Variants in TAFA5 observed in about 807,000 individuals in gnomAD.
The protein encoded by TAFA5 is chemokine-like protein TAFA-5.
A neutral mutation model predicts 15.3 loss-of-function variants in TAFA5; 6 were observed. That is an observed-to-expected ratio of 0.39 (90% CI 0.21 to 0.77). The LOEUF is 0.77. Ranked by LOEUF, TAFA5 falls within the 30% of genes least tolerant of loss-of-function variation. TAFA5 has a pLI of 0.41. For missense variants in TAFA5, 161 were observed against 193.1 expected (o/e 0.83, Z 0.98); for synonymous variants, 103 against 80.7 (o/e 1.28, Z -1.48).
intron 2 of TAFA5, among the ~76,000 whole-genome samples, chr22:48,655,173 A>G (rs924420913): frequency 6.6e-6 from 1 of 152,186 alleles, no homozygotes; most frequent in Non-Finnish European, 1.5e-5. Flanking sequence ...CTCCACATCC[A>G]GCCCTGCCCA....
intron 3 of TAFA5, among the ~76,000 whole-genome samples, chr22:48,731,359 C>T (rs189363262): frequency 2.0e-5 from 3 of 152,308 alleles, no homozygotes; most frequent in African/African-American, 4.8e-5. Context: ...CCAGCCAGGA[C>T]CATTGATGAA....
At chr22:48,709,427 G>A (rs778196731) in intron 3 of TAFA5, among the ~76,000 whole-genome samples, 5 of 152,284 alleles carry the variant, frequency 3.3e-5, no homozygotes, top group Admixed American at 6.5e-5. Flanking sequence ...CCAGGCCTGC[G>A]TTACCGCCCT....
chr22:48,617,848 GGT>G, intron 1 of TAFA5, among the ~76,000 whole-genome samples: 1 of 34,272 alleles, frequency 2.9e-5, no homozygotes, highest in Non-Finnish European at 5.0e-5. Context: ...CCTGCCTGGA[GGT>G]GCACAAGCAC....
intron 1 of TAFA5, among the ~76,000 whole-genome samples, chr22:48,545,898 G>A (rs551824129): frequency 5.3e-4 from 81 of 152,318 alleles, no homozygotes; most frequent in African/African-American, 1.9e-3. Context: ...GAAGGTGTGA[G>A]TGCTGCCTGC....
chr22:48,551,331 C>T (rs534259449), intron 1 of TAFA5, among the ~76,000 whole-genome samples: 1 of 152,270 alleles, frequency 6.6e-6, no homozygotes, highest in South Asian at 2.1e-4. Context: ...GGCTCTGACC[C>T]AGACGCCTGG....
chr22:48,722,048 C>T (rs974193211), intron 3 of TAFA5, among the ~76,000 whole-genome samples: 5 of 152,166 alleles, frequency 3.3e-5, no homozygotes, highest in Admixed American at 6.5e-5. Flanking sequence ...CCTTGGGGTA[C>T]ATACCCAGTT....
At chr22:48,585,266 A>G (rs1010682780) in intron 1 of TAFA5, among the ~76,000 whole-genome samples, 1 of 151,462 alleles carries the variant, frequency 6.6e-6, no homozygotes, top group Non-Finnish European at 1.5e-5. Context: ...CAGATAATAT[A>G]CCACCTAACC....
chr22:48,523,093 G>A (rs1319160527), intron 1 of TAFA5, among the ~76,000 whole-genome samples: 1 of 152,222 alleles, frequency 6.6e-6, no homozygotes, highest in African/African-American at 2.4e-5. Flanking sequence ...GGCGGCCAGG[G>A]AGCCACTGGT....
At chr22:48,641,280 C>G (rs559554767) in intron 1 of TAFA5, among the ~76,000 whole-genome samples, 1 of 152,108 alleles carries the variant, frequency 6.6e-6, no homozygotes, top group East Asian at 1.9e-4. Flanking sequence ...TGAAATGATG[C>G]GTGACAAACA....
chr22:48,690,514 A>C (rs533581202), intron 2 of TAFA5, among the ~76,000 whole-genome samples: 338 of 152,260 alleles, frequency 2.2e-3, no homozygotes, highest in African/African-American at 7.2e-3. Context: ...CCACAGGCTT[A>C]CAGTGATGAC....
At chr22:48,576,765 C>T (rs924303252) in intron 1 of TAFA5, among the ~76,000 whole-genome samples, 40 of 151,622 alleles carry the variant, frequency 2.6e-4, no homozygotes, top group Admixed American at 4.6e-4. Flanking sequence ...TCTCGCTGCC[C>T]CGCGCCCATC....
At chr22:48,640,420 G>A (rs1227324016) in intron 1 of TAFA5, among the ~76,000 whole-genome samples, 2 of 152,342 alleles carry the variant, frequency 1.3e-5, no homozygotes, top group East Asian at 3.9e-4. Context: ...TGCAGACACA[G>A]CCTGGGCTCC....
chr22:48,696,283 C>T (rs1021078933), intron 2 of TAFA5, among the ~76,000 whole-genome samples: 12 of 152,174 alleles, frequency 7.9e-5, no homozygotes, highest in Non-Finnish European at 1.5e-4. Flanking sequence ...ATGACCTTTC[C>T]GGCCAGATGT....
chr22:48,580,068 G>A (rs917167701), intron 1 of TAFA5, among the ~76,000 whole-genome samples: 10 of 152,216 alleles, frequency 6.6e-5, no homozygotes, highest in Non-Finnish European at 1.0e-4. Context: ...GCCGCGGCAC[G>A]GTGTACCCGG....
intron 1 of TAFA5, among the ~76,000 whole-genome samples, chr22:48,640,313 G>A (rs1926626258): frequency 6.6e-6 from 1 of 152,174 alleles, no homozygotes; most frequent in African/African-American, 2.4e-5. Context: ...GTCTGAGTGG[G>A]CATGGGGGCA....
intron 2 of TAFA5, among the ~76,000 whole-genome samples, chr22:48,654,171 G>A (rs1927153902): frequency 6.6e-6 from 1 of 152,140 alleles, no homozygotes; most frequent in Admixed American, 6.5e-5. Context: ...TCATAAGGGA[G>A]GCTCTTTCCC....
At chr22:48,517,258 C>T (rs1921443993) in intron 1 of TAFA5, among the ~76,000 whole-genome samples, 3 of 152,338 alleles carry the variant, frequency 2.0e-5, no homozygotes, top group Admixed American at 2.0e-4. Context: ...GCAACTGCTA[C>T]AGGGCCCAGC....
intron 1 of TAFA5, among the ~76,000 whole-genome samples, chr22:48,534,787 G>A (rs915131625): frequency 1.3e-5 from 2 of 152,192 alleles, no homozygotes; most frequent in East Asian, 1.9e-4. Context: ...CTGAGAAAGC[G>A]GGCTCTGCTG....
intron 1 of TAFA5, among the ~76,000 whole-genome samples, chr22:48,547,750 C>G (rs530003413): frequency 2.0e-5 from 3 of 152,186 alleles, no homozygotes; most frequent in Non-Finnish European, 4.4e-5. Flanking sequence ...ATCTCTGGCC[C>G]CACTCAGACC....
Sources: gnomAD v4.1 joint callset for allele counts (sites outside exome capture counted in the v4.1 genomes callset) on GRCh38, gnomAD v4.1.1 for gene constraint, MANE v1.5 for transcripts, NCBI Gene and HGNC (gene_info 2026-07-23, HGNC 2026-07-21) for gene names.